PAK6: variants seen among roughly 807,000 people sequenced by gnomAD.
PAK6 encodes serine/threonine-protein kinase PAK 6.
PAK6 carries 33 observed loss-of-function variants against 60.8 expected under a neutral mutation model. The observed-to-expected ratio is 0.54, with a 90% confidence interval of 0.41 to 0.73. PAK6 has a LOEUF of 0.73. Ranked by LOEUF, PAK6 falls within the 30% of genes least tolerant of loss-of-function variation. PAK6 has a pLI of 0.00. For missense variants in PAK6, 845 were observed against 904.1 expected, an observed-to-expected ratio of 0.93 and a Z score of 0.84; for synonymous variants, 404 against 378.5, an observed-to-expected ratio of 1.07 and a Z score of -0.78.
chr15:40,241,337 C>T (rs956153688), intron 2 of PAK6, among the ~76,000 whole-genome samples: 10 of 152,150 alleles, frequency 6.6e-5, no homozygotes, highest in Non-Finnish European at 1.2e-4. Context: ...AGGTTTGTGC[C>T]GTTCTGCCTG....
chr15:40,262,253 C>T (rs1239327156), intron 3 of PAK6, among the ~76,000 whole-genome samples: 1 of 152,158 alleles, frequency 6.6e-6, no homozygotes, highest in East Asian at 1.9e-4. Flanking sequence ...GCTGTAATCC[C>T]AGCACTTTGG....
exon 6 of PAK6, chr15:40,272,254 G>A (rs1473222923): frequency 3.7e-6 from 6 of 1,611,212 alleles, no homozygotes; most frequent in African/African-American, 2.7e-5. Flanking sequence ...GCCGCAGAAA[G>A]ACAACCCCCC....
chr15:40,255,310 G>A (rs533227922), intron 3 of PAK6, among the ~76,000 whole-genome samples: 17 of 152,330 alleles, frequency 1.1e-4, no homozygotes, highest in African/African-American at 4.1e-4. Context: ...GGGATTCACT[G>A]GGGCCAGTGG....
At chr15:40,276,143 GGGCAGCCA>G in exon 11 of PAK6, 3 of 1,574,608 alleles carry the variant, frequency 1.9e-6, no homozygotes, top group Non-Finnish European at 2.6e-6. Flanking sequence ...AGGGCACACT[GGGCAGCCA>G]GCCTGCCGGC....
exon 4 of PAK6, chr15:40,264,883 T>C (rs1396011915): frequency 6.2e-7 from 1 of 1,613,972 alleles, no homozygotes; most frequent in Admixed American, 1.7e-5. Context: ...GAAGGCAAGT[T>C]TGTGGGCCTC....
chr15:40,265,856 C>A, exon 5 of PAK6: 1 of 1,540,790 alleles, frequency 6.5e-7, no homozygotes, highest in Non-Finnish European at 8.8e-7. Context: ...TGGTGCGGGG[C>A]AGCGCGATGC....
At chr15:40,264,228 A>C (rs1163394138) in intron 3 of PAK6, among the ~76,000 whole-genome samples, 3 of 152,196 alleles carry the variant, frequency 2.0e-5, no homozygotes, top group African/African-American at 4.8e-5. Flanking sequence ...TGTAATAAAA[A>C]AAAAAAGCCA....
At chr15:40,254,207 C>T (rs115071944) in intron 3 of PAK6, among the ~76,000 whole-genome samples, 1,599 of 152,240 alleles carry the variant, frequency 0.011, 27 homozygotes, top group African/African-American at 0.037. Context: ...AATGGGAATG[C>T]GAATGCCTTC....
At position 40,273,337 on chromosome 15, in the gene PAK6, C is replaced by T; in HGVS notation, c.1491-9C>T. 1 of 1,612,802 alleles carries T rather than the reference C, an allele frequency of 6.2e-7. No homozygotes were observed. Among genetic ancestry groups the T allele is most frequent in the East Asian group, 2.2e-5 (1 of 44,872 alleles). On this transcript the variant is annotated splice_polypyrimidine_tract_variant and intron_variant, in intron 7 of 10. Transcript: ENST00000560346. ...CTCTTTCATCGGGTGGCCCCACCTT[C>T]CTGTCCAGGCTGAATGAGGAGCAGA...
intron 2 of PAK6, among the ~76,000 whole-genome samples, chr15:40,242,796 G>A (rs965854947): frequency 4.6e-5 from 7 of 152,192 alleles, no homozygotes; most frequent in East Asian, 1.9e-4. Flanking sequence ...AAAGGGGACC[G>A]TGTCTCTTCC....
chr15:40,244,071 C>T (rs1055448433), intron 2 of PAK6, among the ~76,000 whole-genome samples: 4 of 152,290 alleles, frequency 2.6e-5, no homozygotes, highest in Admixed American at 2.0e-4. Flanking sequence ...GTGGCTCACG[C>T]CTGTAATCCC....
chr15:40,273,212 C>A, intron 7 of PAK6, 134 bp from the exon 8 acceptor site: 1 of 1,217,932 alleles, frequency 8.2e-7, no homozygotes, highest in Non-Finnish European at 1.1e-6. Flanking sequence ...AGGGCTATGG[C>A]CTGACTGTGC....
intron 5 of PAK6, among the ~76,000 whole-genome samples, chr15:40,270,388 A>T (rs2039267783): frequency 6.6e-6 from 1 of 152,020 alleles, no homozygotes; most frequent in Non-Finnish European, 1.5e-5. Flanking sequence ...GTTCAAATGC[A>T]GTCTCTGCTC....
At chr15:40,245,735 G>A (rs1008348696) in intron 2 of PAK6, 6 of 152,376 alleles carry the variant, frequency 3.9e-5, no homozygotes, top group Non-Finnish European at 7.3e-5. Flanking sequence ...AGTGGGTCCT[G>A]AGGCCACACA....
chr15:40,275,942 C>T lies in PAK6; in HGVS notation c.1894C>T (p.Arg632Ter), dbSNP rs550108869. Reference sequence around the variant, plus strand: ...GCCTCTACAGGTCTCCCCAGTGCTGCGAGACTTCCTGGAGCGGATGCTGGT... The same window carrying T: ...GCCTCTACAGGTCTCCCCAGTGCTGTGAGACTTCCTGGAGCGGATGCTGGT... Residue 632 changes from arginine to a stop codon, truncating the protein, a stop_gained, in exon 11 of 11, where the codon CGA (arginine) becomes TGA (stop). Transcript: ENST00000560346. LOFTEE classifies it high-confidence loss of function. 15 of 1,613,026 alleles carry T rather than the reference C, an allele frequency of 9.3e-6. No homozygotes were observed. Among genetic ancestry groups the T allele is most frequent in the East Asian group, 4.5e-5 (2 of 44,878 alleles).
intron 3 of PAK6, among the ~76,000 whole-genome samples, chr15:40,262,831 C>CATT (rs903429621): frequency 1.8e-4 from 27 of 152,312 alleles, no homozygotes; most frequent in Admixed American, 3.3e-4. Flanking sequence ...AGCTGTCTTT[C>CATT]ATTAACCCCC....
At chr15:40,263,696 C>A in intron 3 of PAK6, 2 of 324,496 alleles carry the variant, frequency 6.2e-6, no homozygotes, top group Admixed American at 3.8e-5. Flanking sequence ...CTCACTGCAG[C>A]CTCAGCCTCC....
intron 2 of PAK6, among the ~76,000 whole-genome samples, chr15:40,247,629 C>CAG (rs945168217): frequency 6.6e-6 from 1 of 151,780 alleles, no homozygotes; most frequent in African/African-American, 2.4e-5. Context: ...GAAAGGCAGG[C>CAG]AGAGAGAGAG....
chr15:40,262,144 G>A (rs567661305), intron 3 of PAK6, among the ~76,000 whole-genome samples: 7 of 152,268 alleles, frequency 4.6e-5, no homozygotes, highest in Non-Finnish European at 8.8e-5. Context: ...GGAGGAGGGC[G>A]AAACAGGCAG....
Sources: allele counts gnomAD v4.1 joint callset (sites outside exome capture counted in the v4.1 genomes callset), GRCh38; gene constraint gnomAD v4.1.1; transcripts MANE v1.5; gene names NCBI Gene and HGNC (gene_info 2026-07-23, HGNC 2026-07-21).